CERKL: variants seen among roughly 807,000 people sequenced by gnomAD.
CERKL encodes CERK like autophagy regulator.
CERKL carries 61 observed loss-of-function variants against 63.4 expected under a neutral mutation model. That is an observed-to-expected ratio of 0.96 (90% CI 0.78 to 1.19). The LOEUF is 1.19. Among genes scored for constraint, CERKL ranks in the 50% most tolerant of loss-of-function variants. The probability of loss-of-function intolerance (pLI) is 0.00; values close to 1 mark genes in which losing one functional copy is unlikely to be tolerated. For synonymous variants in CERKL, 250 were observed against 230.5 expected (o/e 1.08, Z -0.77); for missense variants, 675 against 655.5 (o/e 1.03, Z -0.33).
chr2:181,566,907 T>G (rs905162083), intron 3 of CERKL, among the ~76,000 whole-genome samples: 1 of 152,172 alleles, frequency 6.6e-6, no homozygotes, highest in Non-Finnish European at 1.5e-5. Context: ...AGATTTCTGC[T>G]GACTGACATG....
chr2:181,612,606 A>G (rs1686013468), intron 1 of CERKL, among the ~76,000 whole-genome samples: 1 of 152,114 alleles, frequency 6.6e-6, no homozygotes, highest in African/African-American at 2.4e-5. Flanking sequence ...TCAAGAAATT[A>G]AACATATTAA....
intron 2 of CERKL, among the ~76,000 whole-genome samples, chr2:181,588,459 AT>A (rs367683325): frequency 2.0e-5 from 3 of 152,318 alleles, no homozygotes; most frequent in African/African-American, 7.2e-5. Flanking sequence ...ATGGTATCCC[AT>A]TGTGTATACA....
At chr2:181,617,700 G>A (rs1248041648) in intron 1 of CERKL, among the ~76,000 whole-genome samples, 1 of 152,062 alleles carries the variant, frequency 6.6e-6, no homozygotes, top group Non-Finnish European at 1.5e-5. Flanking sequence ...AAAATCATAC[G>A]TGGGCAAAAT....
intron 2 of CERKL, among the ~76,000 whole-genome samples, chr2:181,590,507 G>A (rs1377427671): frequency 1.3e-5 from 2 of 151,896 alleles, no homozygotes; most frequent in African/African-American, 2.4e-5. Flanking sequence ...GTTATATATT[G>A]GGAGAAAAAT....
Position 181,539,856 on chromosome 2 carries a change from T to TG in CERKL, c.1366-593dup, listed in dbSNP as rs1475862138. On this transcript the variant is annotated intron_variant, in intron 11 of 12. Transcript: ENST00000410087. ...GAATGGTGCAAGGTAAACTTCAACT[T>TG]GCGTTTTTTCTTGTTTGCCTAAGGA... is the stretch of plus-strand genomic sequence containing the variant. 1.1e-4 allele frequency among the ~76,000 whole-genome samples: 16 copies of TG among 152,324 alleles called. No homozygotes were observed. In the East Asian group the frequency reaches 1.5e-3, roughly 15 times the overall value.
chr2:181,647,149 T>C (rs549267156), intron 1 of CERKL, among the ~76,000 whole-genome samples: 1 of 152,160 alleles, frequency 6.6e-6, no homozygotes, highest in African/African-American at 2.4e-5. Flanking sequence ...TTGCCTTCAA[T>C]AGAGATGACT....
intron 1 of CERKL, among the ~76,000 whole-genome samples, chr2:181,633,852 A>G (rs1471944606): frequency 6.6e-6 from 1 of 152,164 alleles, no homozygotes; most frequent in Non-Finnish European, 1.5e-5. Context: ...CTGTCTTCAC[A>G]CACGCATCAA....
At chr2:181,540,363 G>A (rs968720503) in intron 11 of CERKL, among the ~76,000 whole-genome samples, 1 of 152,136 alleles carries the variant, frequency 6.6e-6, no homozygotes, top group African/African-American at 2.4e-5. Flanking sequence ...ACACACAACT[G>A]CCTGTTATGA....
intron 1 of CERKL, among the ~76,000 whole-genome samples, chr2:181,647,012 T>C (rs2105529686): frequency 6.6e-6 from 1 of 152,310 alleles, no homozygotes; most frequent in Non-Finnish European, 1.5e-5. Flanking sequence ...ACTGTTAGAA[T>C]GGGAGAGTCT....
At chr2:181,546,788 A>G (rs1230670226) in intron 10 of CERKL, among the ~76,000 whole-genome samples, 2 of 152,192 alleles carry the variant, frequency 1.3e-5, no homozygotes, top group Non-Finnish European at 2.9e-5. Context: ...ATTTTATTCA[A>G]TTGAAAATGT....
At chr2:181,627,057 G>T (rs1419322672) in intron 1 of CERKL, among the ~76,000 whole-genome samples, 1 of 152,174 alleles carries the variant, frequency 6.6e-6, no homozygotes, top group Non-Finnish European at 1.5e-5. Context: ...GTAGAGGCAA[G>T]AAACATATTT....
chr2:181,614,069 T>C (rs1686086101), intron 1 of CERKL, among the ~76,000 whole-genome samples: 1 of 152,198 alleles, frequency 6.6e-6, no homozygotes, highest in South Asian at 2.1e-4. Flanking sequence ...TTGCTATGTC[T>C]TTGTATTGTT....
At chr2:181,647,601 A>C (rs995838799) in intron 1 of CERKL, among the ~76,000 whole-genome samples, 1 of 152,214 alleles carries the variant, frequency 6.6e-6, no homozygotes, top group African/African-American at 2.4e-5. Context: ...CCAACACTCT[A>C]GGACCCATCT....
chr2:181,629,811 C>A (rs535669832), intron 1 of CERKL, among the ~76,000 whole-genome samples: 2 of 152,048 alleles, frequency 1.3e-5, no homozygotes, highest in East Asian at 1.9e-4. Flanking sequence ...TGACCAAGTT[C>A]CACAGAGTTA....
At chr2:181,616,923 C>T (rs1361536021) in intron 1 of CERKL, among the ~76,000 whole-genome samples, 1 of 152,142 alleles carries the variant, frequency 6.6e-6, no homozygotes, top group Non-Finnish European at 1.5e-5. Flanking sequence ...ATCAGCAATT[C>T]TCAATGTGTA....
chr2:181,616,206 A>ATTTTT (rs35040208), intron 1 of CERKL, among the ~76,000 whole-genome samples: 9,650 of 109,836 alleles, frequency 0.088, 1,484 homozygotes, highest in African/African-American at 0.32. Context: ...AAAAATCTAA[A>ATTTTT]TTTTTTTTTT....
intron 10 of CERKL, 124 bp from the exon 11 acceptor site, chr2:181,544,920 T>C (rs1197018191): frequency 1.8e-5 from 10 of 569,676 alleles, no homozygotes; most frequent in East Asian, 9.2e-5. Flanking sequence ...GATAGATAAA[T>C]CACCATGTTA....
At chr2:181,636,099 T>G (rs1687169534) in intron 1 of CERKL, among the ~76,000 whole-genome samples, 1 of 152,158 alleles carries the variant, frequency 6.6e-6, no homozygotes, top group African/African-American at 2.4e-5. Context: ...TTCTCCAGTT[T>G]GTGTACTTTT....
At chr2:181,630,664 A>T (rs1425790577) in intron 1 of CERKL, among the ~76,000 whole-genome samples, 1 of 151,946 alleles carries the variant, frequency 6.6e-6, no homozygotes. Flanking sequence ...TCAGAAACCA[A>T]CCCCAATGGC....
Sources: allele counts gnomAD v4.1 joint callset (sites outside exome capture counted in the v4.1 genomes callset), GRCh38; gene constraint gnomAD v4.1.1; transcripts MANE v1.5; gene names NCBI Gene and HGNC (gene_info 2026-07-23, HGNC 2026-07-21).